Variants in TOX3 observed in about 807,000 individuals in gnomAD.
The protein encoded by TOX3 is CAG trinucleotide repeat-containing gene F9 protein.
A neutral mutation model predicts 64.3 loss-of-function variants in TOX3; 22 were observed. That is an observed-to-expected ratio of 0.34 (90% CI 0.24 to 0.49). TOX3 has a LOEUF of 0.49. Among genes scored for constraint, TOX3 ranks in the 20% least tolerant of loss-of-function variants. The pLI is 0.99. For synonymous variants in TOX3, 291 were observed against 273.6 expected, an observed-to-expected ratio of 1.06 and a Z score of -0.63; for missense variants, 661 against 714.4, an observed-to-expected ratio of 0.93 and a Z score of 0.85.
At chr16:52,464,519 C>T (rs1960796101) in intron 2 of TOX3, among the ~76,000 whole-genome samples, 1 of 152,166 alleles carries the variant, frequency 6.6e-6, no homozygotes, top group Non-Finnish European at 1.5e-5. Flanking sequence ...AGTGAAACAG[C>T]TCAAACCGCT....
intron 5 of TOX3, 73 bp downstream of exon 5, chr16:52,445,921 T>C (rs1960148237): frequency 2.9e-6 from 4 of 1,397,964 alleles, no homozygotes; most frequent in Non-Finnish European, 3.0e-6. Context: ...CACATGCACT[T>C]GGAAAAGGTG....
At chr16:52,483,628 G>C (rs532021353) in intron 1 of TOX3, among the ~76,000 whole-genome samples, 2 of 144,994 alleles carry the variant, frequency 1.4e-5, no homozygotes, top group East Asian at 4.3e-4. Context: ...GAGTGCAGTG[G>C]CGCGATCACG....
intron 1 of TOX3, among the ~76,000 whole-genome samples, chr16:52,542,631 G>A (rs568848742): frequency 1.4e-4 from 21 of 152,250 alleles, no homozygotes; most frequent in Non-Finnish European, 2.9e-4. Context: ...CTCCATGTAG[G>A]CTAACTTGCT....
chr16:52,456,453 T>G lies in TOX3; in HGVS notation c.409-5907A>C, dbSNP rs533530378. 2.0e-5 allele frequency among the ~76,000 whole-genome samples: 3 copies of G among 152,330 alleles called. No individual in the cohort carries two copies. The East Asian group carries it at 5.8e-4, about 29-fold the overall frequency. ...GGGCATTGCCTTCTATCTATTGGCC[T>G]ATATGATTCATGCCTGTGGTGTTCA... On this transcript the variant is annotated intron_variant, in intron 3 of 6. Transcript: ENST00000219746.
At chr16:52,478,923 T>C (rs1329968885) in intron 1 of TOX3, among the ~76,000 whole-genome samples, 1 of 152,156 alleles carries the variant, frequency 6.6e-6, no homozygotes, top group African/African-American at 2.4e-5. Flanking sequence ...AGTTCAATGA[T>C]CTGGGGAAAA....
intron 6 of TOX3, among the ~76,000 whole-genome samples, chr16:52,443,050 A>G (rs1960050851): frequency 6.6e-6 from 1 of 152,204 alleles, no homozygotes; most frequent in Admixed American, 6.5e-5. Context: ...TCAATTATTC[A>G]TGCTTTAATG....
chr16:52,486,788 T>G (rs1357014087), intron 1 of TOX3, among the ~76,000 whole-genome samples: 1 of 151,988 alleles, frequency 6.6e-6, no homozygotes, highest in African/African-American at 2.4e-5. Context: ...TATTTTAAAT[T>G]AGCAGAGTGT....
At chr16:52,510,759 CAAA>C (rs71376169) in intron 1 of TOX3, among the ~76,000 whole-genome samples, 2 of 72,086 alleles carry the variant, frequency 2.8e-5, no homozygotes, top group Non-Finnish European at 5.3e-5. Flanking sequence ...GACCCTGTCT[CAAA>C]AAAAAAAAAA....
chr16:52,463,392 G>C (rs1041962962), intron 3 of TOX3, among the ~76,000 whole-genome samples: 2 of 152,184 alleles, frequency 1.3e-5, no homozygotes, highest in Non-Finnish European at 2.9e-5. Context: ...CGATGTTTAT[G>C]ACAATAAATA....
At chr16:52,487,117 A>G (rs1019893210) in intron 1 of TOX3, among the ~76,000 whole-genome samples, 1 of 151,972 alleles carries the variant, frequency 6.6e-6, no homozygotes, top group African/African-American at 2.4e-5. Context: ...GACAAAAACT[A>G]TTTTCTTATA....
chr16:52,447,648 C>T lies in TOX3; in HGVS notation c.679-1427G>A, dbSNP rs1960201773. On this transcript the variant is annotated intron_variant, in intron 4 of 6. Coordinates refer to ENST00000219746, the MANE Select transcript of TOX3 (RefSeq NM_001080430.4). ...AAAATGCCATCTTTCATAACTCACA[C>T]AATTGATTCAATAATTCTCTAGAGC... is the stretch of plus-strand genomic sequence containing the variant. Among the ~76,000 whole-genome samples, 3 of 152,138 alleles carry T rather than the reference C, an allele frequency of 2.0e-5. No homozygotes were observed. The South Asian group carries it at 6.2e-4, about 32-fold the overall frequency.
chr16:52,445,837 A>T, intron 5 of TOX3, 157 bp downstream of exon 5: 1 of 688,930 alleles, frequency 1.5e-6, no homozygotes, highest in Non-Finnish European at 2.4e-6. Flanking sequence ...AGAGTTGTTT[A>T]GATTTATATG....
upstream of TOX3, chr16:52,547,386 C>T (rs955609095): frequency 3.3e-5 from 5 of 149,942 alleles, no homozygotes. Flanking sequence ...CCTTCCCGCT[C>T]CGGTCCTCTT....
intron 1 of TOX3, among the ~76,000 whole-genome samples, chr16:52,477,637 C>T (rs1961247197): frequency 1.3e-5 from 2 of 152,066 alleles, no homozygotes; most frequent in African/African-American, 4.8e-5. Context: ...GCCTTAAGAA[C>T]AAGTTCAGCT....
At chr16:52,504,090 G>A (rs940669824) in intron 1 of TOX3, among the ~76,000 whole-genome samples, 1 of 152,122 alleles carries the variant, frequency 6.6e-6, no homozygotes, top group Non-Finnish European at 1.5e-5. Flanking sequence ...TATGAGGGTA[G>A]CATATGCCAG....
At chr16:52,508,161 A>G (rs1962211385) in intron 1 of TOX3, among the ~76,000 whole-genome samples, 1 of 152,260 alleles carries the variant, frequency 6.6e-6, no homozygotes, top group African/African-American at 2.4e-5. Context: ...ACATACAAAT[A>G]TCTGAAGACA....
intron 1 of TOX3, among the ~76,000 whole-genome samples, chr16:52,534,483 T>G (rs888556671): frequency 1.3e-5 from 2 of 151,770 alleles, no homozygotes; most frequent in Non-Finnish European, 2.9e-5. Flanking sequence ...ACAAAAATAT[T>G]AAAAATTAGC....
intron 1 of TOX3, among the ~76,000 whole-genome samples, chr16:52,513,834 T>C (rs1962375851): frequency 6.6e-6 from 1 of 152,220 alleles, no homozygotes; most frequent in South Asian, 2.1e-4. Context: ...GTGCATTTTA[T>C]ATATGTTATT....
intron 1 of TOX3, among the ~76,000 whole-genome samples, chr16:52,544,962 A>G (rs532417463): frequency 6.6e-6 from 1 of 152,320 alleles, no homozygotes; most frequent in East Asian, 1.9e-4. Context: ...TTCCAAAAAT[A>G]AGAGCATGCC....
Sources: allele counts gnomAD v4.1 joint callset (sites outside exome capture counted in the v4.1 genomes callset), GRCh38; gene constraint gnomAD v4.1.1; transcripts MANE v1.5; gene names NCBI Gene and HGNC (gene_info 2026-07-23, HGNC 2026-07-21).